Variants in KCNB2 observed in about 807,000 individuals in gnomAD.
KCNB2 encodes the protein potassium voltage-gated channel subfamily B member 2.
In KCNB2, 15 loss-of-function variants were observed where a neutral mutation model predicts 61.5. The ratio of observed to expected loss-of-function variants is 0.24; its 90% CI spans 0.16 to 0.38. KCNB2 has a LOEUF of 0.38. Ranked by LOEUF, KCNB2 falls within the 10% of genes least tolerant of loss-of-function variation. The pLI, the probability that KCNB2 is intolerant of heterozygous loss-of-function variation, is 1.00. For synonymous variants in KCNB2, 457 were observed against 446.0 expected, an observed-to-expected ratio of 1.02 and a Z score of -0.31; for missense variants, 828 against 1,125.2, an observed-to-expected ratio of 0.74 and a Z score of 3.78.
intron 2 of KCNB2, among the ~76,000 whole-genome samples, chr8:72,759,611 GCTGTGAT>G (rs1336365216): frequency 6.6e-6 from 1 of 152,048 alleles, no homozygotes; most frequent in Non-Finnish European, 1.5e-5. Context: ...GATCCAGAAT[GCTGTGAT>G]CCACACTAAC....
chr8:72,594,648 A>G (rs879441223), intron 2 of KCNB2, among the ~76,000 whole-genome samples: 2 of 152,170 alleles, frequency 1.3e-5, no homozygotes, highest in Non-Finnish European at 2.9e-5. Flanking sequence ...TGCTCATAAC[A>G]CAGCAGCGCT....
intron 2 of KCNB2, among the ~76,000 whole-genome samples, chr8:72,921,623 A>T (rs1489290811): frequency 6.6e-6 from 1 of 152,070 alleles, no homozygotes; most frequent in Non-Finnish European, 1.5e-5. Flanking sequence ...TTGTTGCTAA[A>T]CCTAACTGTT....
chr8:72,655,818 A>T (rs769651342), intron 2 of KCNB2, among the ~76,000 whole-genome samples: 2 of 152,026 alleles, frequency 1.3e-5, no homozygotes, highest in Non-Finnish European at 2.9e-5. Flanking sequence ...TCTACCTGAG[A>T]CTCAGTCTTT....
chr8:72,763,085 A>G (rs1808409945), intron 2 of KCNB2, among the ~76,000 whole-genome samples: 1 of 151,504 alleles, frequency 6.6e-6, no homozygotes, highest in African/African-American at 2.4e-5. Flanking sequence ...CTTTTAAACA[A>G]ACTGTTCTTG....
At chr8:72,573,337 T>C (rs1252320149) in intron 2 of KCNB2, among the ~76,000 whole-genome samples, 2 of 152,194 alleles carry the variant, frequency 1.3e-5, no homozygotes, top group East Asian at 3.9e-4. Flanking sequence ...AGAACAGAAC[T>C]TTCACATGTT....
chr8:72,937,396 AGTGGCTCCCAGTGTG>A lies in KCNB2; in HGVS notation c.2043_2057del (p.Ser681_Gly686delinsArg), dbSNP rs1161008714. On this transcript the variant is annotated inframe_deletion, in exon 3 of 3. Transcript: ENST00000523207. ...TGACATAACTGTGAACCTCGATGCC[AGTGGCTCCCAGTGTG>A]GGCTACATAGTCCTTTGCAGTCTGA... 6.2e-7 allele frequency: 1 copy of A among 1,613,972 alleles called. No homozygotes were observed. Among genetic ancestry groups the A allele is most frequent in the Non-Finnish European group, 8.5e-7 (1 of 1,180,026 alleles).
At position 72,937,795 on chromosome 8, in the gene KCNB2, G is replaced by A. The variant is rs1806958080; in HGVS notation, c.2440G>A (p.Asp814Asn). Residue 814 changes from aspartate to asparagine, a missense_variant, in exon 3 of 3, where the codon GAC (aspartate) becomes AAC (asparagine). Transcript: ENST00000523207. ...FTEIDTGDDEDFLELPGAREE... is the reference protein window; with the variant it reads ...FTEIDTGDDENFLELPGAREE... ...TGAAATAGATACTGGTGACGACGAA[G>A]ACTTCTTAGAGCTCCCAGGGGCAAG... 1 of 1,613,922 alleles carries A rather than the reference G, an allele frequency of 6.2e-7. No individual in the cohort carries two copies. Among genetic ancestry groups the A allele is most frequent in the African/African-American group, 1.3e-5 (1 of 74,892 alleles).
At chr8:72,572,894 C>T (rs979348718) in intron 2 of KCNB2, among the ~76,000 whole-genome samples, 1 of 152,146 alleles carries the variant, frequency 6.6e-6, no homozygotes, top group Non-Finnish European at 1.5e-5. Flanking sequence ...TTACTCCCTG[C>T]ATATATCCAC....
At chr8:72,928,681 G>GACAC (rs10606839) in intron 2 of KCNB2, among the ~76,000 whole-genome samples, 191 of 143,832 alleles carry the variant, frequency 1.3e-3, no homozygotes, top group African/African-American at 3.5e-3. Flanking sequence ...CACACACACA[G>GACAC]ACACACACAC....
At chr8:72,556,646 A>G (rs1170863889) in intron 1 of KCNB2, among the ~76,000 whole-genome samples, 3 of 152,206 alleles carry the variant, frequency 2.0e-5, no homozygotes, top group Non-Finnish European at 4.4e-5. Context: ...AATTAATTCC[A>G]TAATACCATT....
chr8:72,562,675 A>T (rs560036727), intron 1 of KCNB2, among the ~76,000 whole-genome samples: 1 of 152,344 alleles, frequency 6.6e-6, no homozygotes, highest in Non-Finnish European at 1.5e-5. Context: ...ATGTTTATAA[A>T]TTATTCACAG....
intron 2 of KCNB2, among the ~76,000 whole-genome samples, chr8:72,809,861 C>G (rs1396131417): frequency 6.6e-6 from 1 of 152,124 alleles, no homozygotes; most frequent in Non-Finnish European, 1.5e-5. Context: ...TCATTTTTAG[C>G]CTTTTCTTAT....
chr8:72,893,506 A>G (rs535712353), intron 2 of KCNB2, among the ~76,000 whole-genome samples: 5 of 152,310 alleles, frequency 3.3e-5, no homozygotes, highest in Admixed American at 2.0e-4. Context: ...CTTCCACAAA[A>G]TAATAGCACT....
chr8:72,682,799 G>T (rs573502583), intron 2 of KCNB2, among the ~76,000 whole-genome samples: 1 of 152,112 alleles, frequency 6.6e-6, no homozygotes, highest in East Asian at 1.9e-4. Flanking sequence ...AGAGATGGGG[G>T]TCTCACTACG....
chr8:72,727,236 A>G (rs1379000802), intron 2 of KCNB2, among the ~76,000 whole-genome samples: 2 of 152,156 alleles, frequency 1.3e-5, no homozygotes, highest in Non-Finnish European at 2.9e-5. Context: ...CCTATTTTAA[A>G]TCCCCAGTAC....
chr8:72,550,274 T>A (rs1314693412), intron 1 of KCNB2, among the ~76,000 whole-genome samples: 1 of 152,228 alleles, frequency 6.6e-6, no homozygotes, highest in Admixed American at 6.5e-5. Flanking sequence ...ACTTACTGCT[T>A]CTTATACTCT....
At chr8:72,894,927 G>A (rs1805965907) in intron 2 of KCNB2, among the ~76,000 whole-genome samples, 1 of 152,138 alleles carries the variant, frequency 6.6e-6, no homozygotes, top group Non-Finnish European at 1.5e-5. Context: ...TAAGTAATCA[G>A]GTGAGAATTT....
intron 2 of KCNB2, among the ~76,000 whole-genome samples, chr8:72,614,414 C>T (rs1382456084): frequency 6.6e-6 from 1 of 152,086 alleles, no homozygotes; most frequent in Non-Finnish European, 1.5e-5. Context: ...CTCTAATAGC[C>T]CTGTAAAGGT....
intron 2 of KCNB2, among the ~76,000 whole-genome samples, chr8:72,754,394 C>T (rs1808250298): frequency 6.6e-6 from 1 of 152,176 alleles, no homozygotes; most frequent in African/African-American, 2.4e-5. Context: ...TGCCTGAACT[C>T]CCAGACAGTT....
Sources: allele counts gnomAD v4.1 joint callset (sites outside exome capture counted in the v4.1 genomes callset), GRCh38; gene constraint gnomAD v4.1.1; transcripts MANE v1.5; gene names NCBI Gene and HGNC (gene_info 2026-07-23, HGNC 2026-07-21).